The following SORCS1 variants were observed in gnomAD, a reference collection of about 807,000 sequenced individuals.
SORCS1 encodes sortilin related VPS10 domain containing receptor 1.
In SORCS1, 60 loss-of-function variants were observed where a neutral mutation model predicts 146.1. The observed-to-expected ratio is 0.41, with a 90% CI of 0.33 to 0.51. The LOEUF is 0.51. Among genes scored for constraint, SORCS1 ranks in the 20% least tolerant of loss-of-function variants. The probability of loss-of-function intolerance (pLI) is 0.21; values close to 1 mark genes in which losing one functional copy is unlikely to be tolerated. For missense variants in SORCS1, 1,352 were observed against 1,487.6 expected (o/e 0.91, Z 1.50); for synonymous variants, 637 against 584.0 (o/e 1.09, Z -1.31).
chr10:106,986,938 C>A (rs954656218), intron 1 of SORCS1, among the ~76,000 whole-genome samples: 5 of 152,142 alleles, frequency 3.3e-5, no homozygotes, highest in African/African-American at 1.2e-4. Context: ...GCTCTAACAA[C>A]TGGGCTATCT....
At chr10:106,859,526 T>A (rs562489291) in intron 2 of SORCS1, among the ~76,000 whole-genome samples, 115 of 152,290 alleles carry the variant, frequency 7.6e-4, no homozygotes, top group African/African-American at 2.6e-3. Flanking sequence ...CCCCAGTGGC[T>A]GGGACTACAG....
At chr10:106,828,845 G>C (rs1038137763) in intron 3 of SORCS1, among the ~76,000 whole-genome samples, 8 of 151,978 alleles carry the variant, frequency 5.3e-5, no homozygotes, top group Non-Finnish European at 1.2e-4. Flanking sequence ...CTCATAATAG[G>C]AGATGTATGA....
chr10:106,840,863 A>ATATT (rs1332839160), intron 2 of SORCS1, among the ~76,000 whole-genome samples: 1 of 124,166 alleles, frequency 8.1e-6, no homozygotes, highest in African/African-American at 2.8e-5. Context: ...ATATATATAT[A>ATATT]TTTTTTTTTT....
At chr10:106,973,145 TACA>T (rs1485128791) in intron 1 of SORCS1, among the ~76,000 whole-genome samples, 2 of 152,152 alleles carry the variant, frequency 1.3e-5, no homozygotes, top group East Asian at 1.9e-4. Flanking sequence ...CTCAAGAATT[TACA>T]ACAAGACCAT....
At chr10:106,822,385 G>T (rs541662360) in intron 3 of SORCS1, among the ~76,000 whole-genome samples, 9 of 152,166 alleles carry the variant, frequency 5.9e-5, no homozygotes, top group South Asian at 4.2e-4. Context: ...AGAGGCTTCC[G>T]CAGGGACTTC....
intron 1 of SORCS1, among the ~76,000 whole-genome samples, chr10:107,154,716 T>C (rs1969141387): frequency 6.6e-6 from 1 of 152,172 alleles, no homozygotes; most frequent in African/African-American, 2.4e-5. Context: ...ATGAATGTCA[T>C]ATTACAAACA....
In SORCS1 at chr10:106,730,112, G is replaced by A. The variant is rs772470615; in HGVS notation, c.962C>T (p.Ser321Phe). The change falls in exon 6 of 26, where the codon TCT (serine) becomes TTT (phenylalanine). Residue 321 changes from serine (S) to phenylalanine (F), a missense_variant and splice_region_variant. Physicochemically the swap from Ser to Phe is radical, Grantham distance 155. Transcript: ENST00000263054. ...TGGTTCTTTATTTGACCCCATCACAGACCTAAAAAATGGAGAAACATGAAA... is the reference window on the plus strand; with the variant it reads ...TGGTTCTTTATTTGACCCCATCACAAACCTAAAAAATGGAGAAACATGAAA... ...EGVVPNRFYW[S>F]VMGSNKEPDL... The A allele has an allele frequency of 1.4e-5, 23 of 1,613,822 alleles. No homozygotes were observed. Among genetic ancestry groups the A allele is most frequent in the Non-Finnish European group, 1.9e-5 (23 of 1,179,962 alleles).
intron 1 of SORCS1, among the ~76,000 whole-genome samples, chr10:107,014,851 A>G (rs916274024): frequency 2.0e-5 from 3 of 152,236 alleles, no homozygotes; most frequent in Admixed American, 1.3e-4. Context: ...ATATGTACAT[A>G]TTCTTAAACC....
At chr10:106,725,424 A>C in intron 6 of SORCS1, among the ~76,000 whole-genome samples, 1 of 148,028 alleles carries the variant, frequency 6.8e-6, no homozygotes. Context: ...GGTGGCGGGC[A>C]CCTATAATCC....
intron 1 of SORCS1, among the ~76,000 whole-genome samples, chr10:107,115,420 G>C (rs1965964553): frequency 6.6e-6 from 1 of 151,978 alleles, no homozygotes; most frequent in Admixed American, 6.6e-5. Context: ...CTAACCAATG[G>C]AACAAAATAG....
chr10:106,696,638 A>G (rs895990472), intron 9 of SORCS1, among the ~76,000 whole-genome samples: 3 of 152,214 alleles, frequency 2.0e-5, no homozygotes, highest in Non-Finnish European at 4.4e-5. Flanking sequence ...GAGAGGCACA[A>G]AGGGGAAACA....
chr10:106,620,313 G>T, intron 20 of SORCS1, 115 bp downstream of exon 20: 1 of 1,362,054 alleles, frequency 7.3e-7, no homozygotes, highest in Non-Finnish European at 9.9e-7. Flanking sequence ...TGTTGTCCTT[G>T]AAGCTACAAC....
At chr10:106,963,672 G>C (rs980650871) in intron 1 of SORCS1, among the ~76,000 whole-genome samples, 2 of 151,372 alleles carry the variant, frequency 1.3e-5, no homozygotes, top group Non-Finnish European at 2.9e-5. Flanking sequence ...TTGAATCCTG[G>C]GGGGGGGCCA....
intron 1 of SORCS1, among the ~76,000 whole-genome samples, chr10:107,054,493 A>C (rs1324548164): frequency 5.3e-5 from 8 of 152,212 alleles, no homozygotes. Flanking sequence ...TATGTGACAG[A>C]AAAGAGCTGG....
At chr10:106,794,688 A>G (rs1946465106) in intron 3 of SORCS1, among the ~76,000 whole-genome samples, 1 of 151,912 alleles carries the variant, frequency 6.6e-6, no homozygotes, top group East Asian at 1.9e-4. Context: ...GTTTTTTAGT[A>G]GAGACGGGTT....
At chr10:106,617,186 C>T (rs10786960) in intron 21 of SORCS1, among the ~76,000 whole-genome samples, 148,218 of 151,942 alleles carry the variant, frequency 0.98, 72,383 homozygotes, top group East Asian at 1. Flanking sequence ...AACTCCTGAC[C>T]TCAGGTGACC....
At chr10:107,077,977 T>A (rs1383139122) in intron 1 of SORCS1, among the ~76,000 whole-genome samples, 2 of 152,210 alleles carry the variant, frequency 1.3e-5, no homozygotes, top group Non-Finnish European at 2.9e-5. Flanking sequence ...TCATTTAATG[T>A]CTGGGAAATT....
At chr10:106,664,818 G>A (rs2135408355) in intron 17 of SORCS1, among the ~76,000 whole-genome samples, 1 of 151,582 alleles carries the variant, frequency 6.6e-6, no homozygotes, top group East Asian at 1.9e-4. Flanking sequence ...GATTGAGCTG[G>A]TTAAAAAAAA....
intron 8 of SORCS1, among the ~76,000 whole-genome samples, chr10:106,705,814 TG>T (rs1418136039): frequency 6.6e-6 from 1 of 152,196 alleles, no homozygotes; most frequent in East Asian, 1.9e-4. Context: ...AAAGACAGCC[TG>T]GGGATGTCAA....
Sources: gnomAD v4.1 joint callset for allele counts (sites outside exome capture counted in the v4.1 genomes callset) on GRCh38, gnomAD v4.1.1 for gene constraint, MANE v1.5 for transcripts, NCBI Gene and HGNC (gene_info 2026-07-23, HGNC 2026-07-21) for gene names.